Variants in IRAG2 observed in about 807,000 individuals in gnomAD.
IRAG2 encodes the protein inositol 1,4,5-triphosphate receptor associated 2.
A neutral mutation model predicts 69.9 loss-of-function variants in IRAG2; 45 were observed. The ratio of observed to expected loss-of-function variants is 0.64; its 90% confidence interval spans 0.51 to 0.83. The LOEUF (loss-of-function observed/expected upper bound fraction) is 0.83, where lower values mean the gene tolerates loss of function less well. IRAG2 is among the 40% of genes least tolerant of loss of function. IRAG2 has a pLI of 0.00. For missense variants in IRAG2, 520 were observed against 587.0 expected (o/e 0.89, Z 1.18); for synonymous variants, 193 against 202.4 (o/e 0.95, Z 0.40).
Position 25,052,852 on chromosome 12 carries a change from A to G in IRAG2, c.-551A>G, listed in dbSNP as rs1191936825. On this transcript the variant is annotated 5_prime_UTR_variant, in exon 1 of 22. Coordinates refer to ENST00000556887, the MANE Select transcript of IRAG2 (RefSeq NM_001366544.2). ...AGTGAAAAAGCTACGTCTTTACTGCATAAATTAGAGGAAGCAATTTCGGAA... is the reference window on the plus strand; with the variant it reads ...AGTGAAAAAGCTACGTCTTTACTGCGTAAATTAGAGGAAGCAATTTCGGAA... 5 of 398,548 alleles carry G rather than the reference A, an allele frequency of 1.3e-5. No individual in the cohort carries two copies. The highest frequency in any genetic ancestry group is 2.2e-5 in the Non-Finnish European group (5 of 226,082). The allele number at this position is 398,548 out of a possible 1,614,324, so 24.7% of individuals were successfully genotyped here.
At chr12:25,030,039 T>C (rs1467701900) in intron 9 of IRAG2, among the ~76,000 whole-genome samples, 2 of 152,206 alleles carry the variant, frequency 1.3e-5, no homozygotes, top group Non-Finnish European at 2.9e-5. Context: ...AGCTCTGCCA[T>C]TGACAGTGTG....
chr12:25,063,948 G>A (rs892578176), intron 4 of IRAG2, 132 bp downstream of exon 4: 1 of 394,364 alleles, frequency 2.5e-6, no homozygotes, highest in African/African-American at 2.1e-5. Flanking sequence ...CCTGAATTCA[G>A]TCAATCAATA....
upstream of IRAG2, among the ~76,000 whole-genome samples, chr12:24,999,705 C>T (rs879629474): frequency 1.3e-5 from 2 of 151,868 alleles, no homozygotes; most frequent in Non-Finnish European, 1.5e-5. Context: ...AATAGATGCT[C>T]CTAAATTTTT....
chr12:25,070,281 C>T (rs976443290), intron 6 of IRAG2, among the ~76,000 whole-genome samples: 8 of 152,150 alleles, frequency 5.3e-5, no homozygotes, highest in Non-Finnish European at 7.3e-5. Flanking sequence ...CCTCCTGTCC[C>T]CAACCCCCAG....
chr12:25,005,616 A>T (rs1255230011), intron 2 of IRAG2, among the ~76,000 whole-genome samples: 1 of 152,104 alleles, frequency 6.6e-6, no homozygotes, highest in Non-Finnish European at 1.5e-5. Flanking sequence ...CTGACTTACC[A>T]TCTTTATTTA....
chr12:25,108,199 C>CT lies in IRAG2; in HGVS notation c.*144dup. ...GACTGTAAGATAGCTTACATTTCCT[C>CT]TTTTTGCCTTTATCTCCCCAACTAA... On this transcript the variant is annotated 3_prime_UTR_variant, in exon 22 of 22. Transcript: ENST00000556887. 1.1e-6 allele frequency: 1 copy of CT among 949,798 alleles called. No homozygotes were observed. The highest frequency in any genetic ancestry group is 1.5e-6 in the Non-Finnish European group (1 of 654,460). 58.8% of individuals were successfully genotyped at this position (949,798 alleles called of 1,614,324 possible).
intron 16 of IRAG2, among the ~76,000 whole-genome samples, chr12:25,039,078 G>A (rs1944726470): frequency 6.6e-6 from 1 of 152,142 alleles, no homozygotes; most frequent in Non-Finnish European, 1.5e-5. Context: ...TATATCTTTT[G>A]TTAACTACCA....
chr12:25,003,226 T>C (rs1459552799), upstream of IRAG2, among the ~76,000 whole-genome samples: 1 of 152,376 alleles, frequency 6.6e-6, no homozygotes, highest in Non-Finnish European at 1.5e-5. Flanking sequence ...TGGAAATTTC[T>C]GTTAATGTCC....
chr12:25,013,705 A>T (rs1247359457), intron 3 of IRAG2, among the ~76,000 whole-genome samples: 3 of 152,026 alleles, frequency 2.0e-5, no homozygotes, highest in Non-Finnish European at 4.4e-5. Context: ...TGATAAGAGA[A>T]ATTAATATGT....
intron 5 of IRAG2, 61 bp downstream of exon 5, chr12:25,066,573 A>G (rs763822913): frequency 2.5e-6 from 1 of 400,130 alleles, no homozygotes; most frequent in Non-Finnish European, 4.4e-6. Flanking sequence ...CCCATTGCCT[A>G]ACATTTTAAT....
intron 14 of IRAG2, chr12:25,091,051 G>C (rs1167128830): frequency 5.7e-6 from 1 of 176,472 alleles, no homozygotes; most frequent in Non-Finnish European, 1.2e-5. Flanking sequence ...TACATTTAGA[G>C]ATGAGCTGGA....
At chr12:25,102,077 G>A (rs1180472223) in intron 16 of IRAG2, 121 bp from the exon 17 acceptor site, 21 of 730,370 alleles carry the variant, frequency 2.9e-5, no homozygotes, top group South Asian at 4.4e-5. Context: ...TATATTGCTC[G>A]GTAGTCTCTA....
intron 3 of IRAG2, chr12:25,015,150 G>GTT (rs1436751678): frequency 2.0e-4 from 190 of 933,028 alleles, no homozygotes; most frequent in Middle Eastern, 1.3e-3. Context: ...TAGCTCACTG[G>GTT]TTTTGTTTTT....
intron 6 of IRAG2, among the ~76,000 whole-genome samples, chr12:25,071,084 A>G (rs57306527): frequency 6.6e-6 from 1 of 152,290 alleles, no homozygotes; most frequent in African/African-American, 2.4e-5. Context: ...CAGCTAAGAA[A>G]AAGGAAATGA....
chr12:25,098,555 T>A (rs1050575171), intron 15 of IRAG2, among the ~76,000 whole-genome samples: 1 of 152,208 alleles, frequency 6.6e-6, no homozygotes. Context: ...TCCCGACTAA[T>A]TTACTCAGAG....
chr12:25,035,465 T>A (rs1311915356), intron 13 of IRAG2: 1 of 388,522 alleles, frequency 2.6e-6, no homozygotes, highest in African/African-American at 2.1e-5. Flanking sequence ...GAATAAATGT[T>A]CAATTGGAGC....
chr12:25,095,868 A>C (rs1389986401), intron 14 of IRAG2, among the ~76,000 whole-genome samples: 1 of 152,152 alleles, frequency 6.6e-6, no homozygotes, highest in Non-Finnish European at 1.5e-5. Flanking sequence ...GGTTGACCAT[A>C]CTCTGTTTTG....
In IRAG2 at chr12:25,004,811, AT is replaced by A; in HGVS notation, c.474del (p.Phe158LeufsTer4). On this transcript the variant is annotated frameshift_variant, in exon 1 of 39. Coordinates refer to the IRAG2 transcript ENST00000636465. LOFTEE classifies it high-confidence loss of function. Reference sequence around the variant, plus strand: ...TTGAATAACTATTGTAGTGAAAATAATTTTAGTACCTTAACACTTGACTTTG... The same window carrying A: ...TTGAATAACTATTGTAGTGAAAATAATTTAGTACCTTAACACTTGACTTTG... The A allele has an allele frequency of 8.1e-7, 1 of 1,232,118 alleles. No individual in the cohort carries two copies. Among genetic ancestry groups the A allele is most frequent in the Non-Finnish European group, 1.0e-6 (1 of 987,934 alleles). 76.3% of individuals were successfully genotyped at this position (1,232,118 alleles called of 1,614,324 possible).
Position 25,108,281 on chromosome 12 carries a change from ATAT to A in IRAG2, c.*225_*227del, listed in dbSNP as rs1418005273. Reference sequence around the variant, plus strand: ...TTTGAATGAGCTTTTTAAGGAAGAAATATTATATATTGTTTGTTAAAGTTTATT... The same window carrying A: ...TTTGAATGAGCTTTTTAAGGAAGAAATATATATTGTTTGTTAAAGTTTATT... On this transcript the variant is annotated 3_prime_UTR_variant, in exon 22 of 22. Coordinates refer to ENST00000556887, the MANE Select transcript of IRAG2 (RefSeq NM_001366544.2). The A allele has an allele frequency of 5.4e-6, 3 of 557,736 alleles. No individual in the cohort carries two copies. The highest frequency in any genetic ancestry group is 1.9e-5 in the African/African-American group (1 of 53,186). 34.5% of individuals were successfully genotyped at this position (557,736 alleles called of 1,614,324 possible). A position where few individuals can be genotyped will look rare whatever the true frequency, so the allele number is the denominator to read the frequency against.
Sources: gnomAD v4.1 joint callset for allele counts (sites outside exome capture counted in the v4.1 genomes callset) on GRCh38, gnomAD v4.1.1 for gene constraint, MANE v1.5 for transcripts, NCBI Gene and HGNC (gene_info 2026-07-23, HGNC 2026-07-21) for gene names.